The following FAM107B variants were observed in gnomAD, a reference collection of about 807,000 sequenced individuals.
The protein encoded by FAM107B is protein FAM107B.
A neutral mutation model predicts 31.5 loss-of-function variants in FAM107B; 21 were observed. The ratio of observed to expected loss-of-function variants is 0.67; its 90% CI spans 0.47 to 0.96. FAM107B has a LOEUF of 0.96. FAM107B is among the 40% of genes least tolerant of loss of function. The pLI is 0.00. For missense variants in FAM107B, 452 were observed against 377.1 expected, an observed-to-expected ratio of 1.20 and a Z score of -1.64; for synonymous variants, 157 against 141.5, an observed-to-expected ratio of 1.11 and a Z score of -0.78.
intron 2 of FAM107B, among the ~76,000 whole-genome samples, chr10:14,578,229 G>C (rs1247353250): frequency 1.3e-5 from 2 of 151,264 alleles, no homozygotes; most frequent in East Asian, 3.8e-4. Flanking sequence ...TTCCCTGAGG[G>C]CGAATATCCT....
chr10:14,626,415 T>G (rs1434504282), intron 2 of FAM107B, among the ~76,000 whole-genome samples: 1 of 152,134 alleles, frequency 6.6e-6, no homozygotes, highest in African/African-American at 2.4e-5. Flanking sequence ...TCACAATACT[T>G]CTGCTGTTTG....
rs147633513 is a variant in FAM107B, at chr10:14,717,273, G to T, written c.412-49582C>A. 2.1e-3 allele frequency among the ~76,000 whole-genome samples: 327 copies of T among 152,288 alleles called. 3 individuals carry two copies. The South Asian group carries it at 0.03, about 14-fold the overall frequency. On this transcript the variant is annotated intron_variant, in intron 1 of 4. Transcript: ENST00000181796. The stretch of plus-strand genomic sequence containing the variant: ...GCCCAGCCAAAGCCCCTCTGTATCA[G>T]TCAGGGCTCTCTAGAGGGACAGAAC...
At chr10:14,621,764 G>A (rs1057470369) in intron 2 of FAM107B, among the ~76,000 whole-genome samples, 2 of 152,100 alleles carry the variant, frequency 1.3e-5, no homozygotes, top group African/African-American at 4.8e-5. Context: ...CAGCCGATGT[G>A]GGGTGGCACC....
At chr10:14,694,539 A>G (rs997449553) in intron 1 of FAM107B, among the ~76,000 whole-genome samples, 2 of 151,470 alleles carry the variant, frequency 1.3e-5, no homozygotes, top group Admixed American at 6.6e-5. Flanking sequence ...ATGCGCCACT[A>G]TGCCCGGCTA....
chr10:14,773,480 G>C (rs1424270253), intron 1 of FAM107B, among the ~76,000 whole-genome samples: 1 of 152,136 alleles, frequency 6.6e-6, no homozygotes, highest in Non-Finnish European at 1.5e-5. Context: ...GATATCTTTG[G>C]AGTGTACCTT....
At chr10:14,584,780 T>C (rs1851771316) in intron 2 of FAM107B, among the ~76,000 whole-genome samples, 1 of 152,186 alleles carries the variant, frequency 6.6e-6, no homozygotes, top group Non-Finnish European at 1.5e-5. Context: ...CCACTCCCCT[T>C]GCAACCCCCA....
chr10:14,767,514 T>C (rs528051745), intron 1 of FAM107B, among the ~76,000 whole-genome samples: 3 of 151,854 alleles, frequency 2.0e-5, no homozygotes, highest in Middle Eastern at 3.2e-3. Context: ...ATGGTCAACA[T>C]AGAAAAATCG....
intron 1 of FAM107B, among the ~76,000 whole-genome samples, chr10:14,712,626 A>AACAAAAAG (rs1554851691): frequency 6.8e-6 from 1 of 146,854 alleles, no homozygotes; most frequent in African/African-American, 2.6e-5. Context: ...AACAAAAAAA[A>AACAAAAAG]AAGAAGAAGA....
intron 1 of FAM107B, among the ~76,000 whole-genome samples, chr10:14,669,367 CAAAAAAAAA>C (rs34544529): frequency 8.4e-6 from 1 of 119,302 alleles, no homozygotes; most frequent in African/African-American, 3.2e-5. Context: ...GAGACTCTGT[CAAAAAAAAA>C]AAAAAAAAGG....
At chr10:14,619,466 A>G (rs1329318953) in intron 2 of FAM107B, among the ~76,000 whole-genome samples, 1 of 152,172 alleles carries the variant, frequency 6.6e-6, no homozygotes, top group Non-Finnish European at 1.5e-5. Flanking sequence ...GCTATTTGTC[A>G]TCCATATATC....
At chr10:14,543,354 C>G (rs749522848) in intron 2 of FAM107B, among the ~76,000 whole-genome samples, 10 of 152,112 alleles carry the variant, frequency 6.6e-5, no homozygotes, top group Non-Finnish European at 1.3e-4. Context: ...ATGACTGGCA[C>G]AGAAGTGAGC....
chr10:14,589,531 G>A (rs1488892638), intron 2 of FAM107B, among the ~76,000 whole-genome samples: 1 of 152,116 alleles, frequency 6.6e-6, no homozygotes, highest in East Asian at 1.9e-4. Context: ...TAGGAATAAG[G>A]CATTCCTTTA....
rs553415784 is a variant in FAM107B at position 14,723,029 on chromosome 10, ATGTGTCTTATATTTAGGTCTTATATT to A, written c.411+51198_411+51223del. ...TAGGGGTCCAATGGCCGTCTTTTAC[ATGTGTCTTATATTTAGGTCTTATATT>A]TGTGTCTTATATTTAGGTCTTCTTT... On this transcript the variant is annotated intron_variant, in intron 1 of 4. Coordinates refer to ENST00000181796, the MANE Select transcript of FAM107B (RefSeq NM_031453.4). 1,679 of 341,074 alleles carry A rather than the reference ATGTGTCTTATATTTAGGTCTTATATT, an allele frequency of 4.9e-3. 35 individuals carry two copies. Among genetic ancestry groups the A allele is most frequent in the East Asian group, 0.044 (593 of 13,528 alleles). The allele number at this position is 341,074 out of a possible 1,614,324, so 21.1% of individuals were successfully genotyped here. A position where few individuals can be genotyped will look rare whatever the true frequency, so the allele number is the denominator to read the frequency against.
intron 2 of FAM107B, among the ~76,000 whole-genome samples, chr10:14,589,104 C>A (rs35277426): frequency 0.069 from 10,402 of 150,596 alleles, 474 homozygotes; most frequent in Middle Eastern, 0.1. Flanking sequence ...ATCACTTGAG[C>A]CCAGGAGGTT....
intron 1 of FAM107B, among the ~76,000 whole-genome samples, chr10:14,718,952 A>G (rs189944109): frequency 2.3e-4 from 35 of 152,302 alleles, no homozygotes; most frequent in South Asian, 1.9e-3. Flanking sequence ...TCCCAGTTCT[A>G]TAGATGAGGA....
chr10:14,647,447 G>C (rs542949806), intron 2 of FAM107B, among the ~76,000 whole-genome samples: 1 of 152,118 alleles, frequency 6.6e-6, no homozygotes, highest in Non-Finnish European at 1.5e-5. Context: ...GGGAGGCCAA[G>C]GTGGGTGGAT....
At chr10:14,593,150 T>C (rs1032567869) in intron 2 of FAM107B, among the ~76,000 whole-genome samples, 1 of 152,124 alleles carries the variant, frequency 6.6e-6, no homozygotes, top group Non-Finnish European at 1.5e-5. Context: ...AAATTTAATA[T>C]TATTAATTCT....
chr10:14,736,158 T>C (rs931384376), intron 1 of FAM107B, among the ~76,000 whole-genome samples: 1 of 152,138 alleles, frequency 6.6e-6, no homozygotes, highest in African/African-American at 2.4e-5. Context: ...TATATTATGG[T>C]AGCCAGCCTT....
At chr10:14,772,287 G>C (rs1833321522) in intron 1 of FAM107B, among the ~76,000 whole-genome samples, 1 of 151,964 alleles carries the variant, frequency 6.6e-6, no homozygotes, top group African/African-American at 2.4e-5. Context: ...CTGGGAGGCA[G>C]AGGCTGCAGT....
Sources: gnomAD v4.1 joint callset for allele counts (sites outside exome capture counted in the v4.1 genomes callset) on GRCh38, gnomAD v4.1.1 for gene constraint, MANE v1.5 for transcripts, NCBI Gene and HGNC (gene_info 2026-07-23, HGNC 2026-07-21) for gene names.